The following HIRA variants were observed in gnomAD, a reference collection of about 807,000 sequenced individuals.
HIRA encodes the protein protein HIRA.
A neutral mutation model predicts 126.6 loss-of-function variants in HIRA; 13 were observed. The observed-to-expected ratio is 0.10, with a 90% confidence interval of 0.07 to 0.16. The LOEUF (loss-of-function observed/expected upper bound fraction) is 0.16. Ranked by LOEUF, HIRA falls within the 10% of genes least tolerant of loss-of-function variation. The pLI, the probability that HIRA is intolerant of heterozygous loss-of-function variation, is 1.00. For missense variants in HIRA, 834 were observed against 1,314.4 expected (o/e 0.63, Z 5.65); for synonymous variants, 511 against 520.0 (o/e 0.98, Z 0.24).
At chr22:19,365,025 A>G (rs1201578299) in intron 15 of HIRA, among the ~76,000 whole-genome samples, 3 of 152,240 alleles carry the variant, frequency 2.0e-5, no homozygotes, top group Non-Finnish European at 4.4e-5. Context: ...AGATCAAACC[A>G]GCCACAACAC....
At chr22:19,348,169 G>A (rs1484435606) in intron 24 of HIRA, among the ~76,000 whole-genome samples, 3 of 152,218 alleles carry the variant, frequency 2.0e-5, no homozygotes, top group Non-Finnish European at 4.4e-5. Flanking sequence ...TCCCTACAGT[G>A]CTACTCCCAA....
In HIRA at chr22:19,398,041, T is replaced by G; in HGVS notation, c.444A>C (p.Ser148=). ...AWSPHDAWLA[S]CSVDNTVVIW... ...TGACGACAGTGTTATCCACGCTGCA[T>G]GAGGCTAGCCAGGCATCGTGGGGAG... Residue 148 remains serine (S), a synonymous_variant, in exon 6 of 25, where the codon TCA becomes TCC. Transcript: ENST00000263208. The G allele has an allele frequency of 6.2e-7, 1 of 1,614,074 alleles. No individual in the cohort carries two copies. The highest frequency in any genetic ancestry group is 1.1e-5 in the South Asian group (1 of 91,072).
intron 1 of HIRA, among the ~76,000 whole-genome samples, chr22:19,415,581 G>A (rs1439821109): frequency 1.3e-5 from 2 of 152,172 alleles, no homozygotes; most frequent in Non-Finnish European, 2.9e-5. Context: ...ATGAGGTTGG[G>A]AGTCCAAGAC....
chr22:19,331,350 C>A lies in HIRA; in HGVS notation c.*90G>T. 1 of 1,602,672 alleles carries A rather than the reference C, an allele frequency of 6.2e-7. No homozygotes were observed. Among genetic ancestry groups the A allele is most frequent in the Non-Finnish European group, 8.5e-7 (1 of 1,178,670 alleles). On this transcript the variant is annotated 3_prime_UTR_variant, in exon 25 of 25. Coordinates refer to ENST00000263208, the MANE Select transcript of HIRA (RefSeq NM_003325.4). ...CTCCTGCCAGTGTCTCCTCCCCCTA[C>A]AGCCTGGTCAGGTGAGAGGCGGTCC...
intron 9 of HIRA, 74 bp downstream of exon 9, chr22:19,392,027 C>G: frequency 2.5e-6 from 2 of 810,610 alleles, no homozygotes; most frequent in Non-Finnish European, 4.1e-6. Context: ...CAAAGCAGGT[C>G]TCTTTCCTCC....
intron 13 of HIRA, among the ~76,000 whole-genome samples, chr22:19,379,301 C>T (rs1476362261): frequency 2.0e-5 from 3 of 151,160 alleles, no homozygotes; most frequent in Non-Finnish European, 4.4e-5. Context: ...TGTGAGCCAC[C>T]GTGCCCGGCC....
chr22:19,331,305 G>A lies in HIRA; in HGVS notation c.*135C>T, dbSNP rs782513965. The A allele has an allele frequency of 1.4e-5, 22 of 1,586,164 alleles. No homozygotes were observed. Among genetic ancestry groups the A allele is most frequent in the East Asian group, 4.5e-5 (2 of 44,246 alleles). On this transcript the variant is annotated 3_prime_UTR_variant, in exon 25 of 25. Coordinates refer to ENST00000263208, the MANE Select transcript of HIRA (RefSeq NM_003325.4). ...CATCTGCCCAGGGAGCTGGGCTGGCGCTGGTGCAGGACAGCACATCTCCTG... is the reference window on the plus strand; with the variant it reads ...CATCTGCCCAGGGAGCTGGGCTGGCACTGGTGCAGGACAGCACATCTCCTG...
At chr22:19,414,637 T>G (rs1486857559) in intron 1 of HIRA, among the ~76,000 whole-genome samples, 1 of 152,232 alleles carries the variant, frequency 6.6e-6, no homozygotes, top group African/African-American at 2.4e-5. Context: ...CCAATAGAAC[T>G]TGGTTTTAAC....
intron 24 of HIRA, among the ~76,000 whole-genome samples, chr22:19,345,732 T>A (rs1261194099): frequency 2.0e-5 from 3 of 152,188 alleles, no homozygotes; most frequent in Non-Finnish European, 4.4e-5. Context: ...GGGACCCCTG[T>A]CTTACACTGA....
At chr22:19,396,702 T>C in intron 7 of HIRA, 85 bp downstream of exon 7, 1 of 1,448,998 alleles carries the variant, frequency 6.9e-7, no homozygotes, top group Non-Finnish European at 9.5e-7. Flanking sequence ...GCCTGGCCCA[T>C]GGCCAGCTCC....
chr22:19,397,524 T>A (rs188363516), intron 6 of HIRA, among the ~76,000 whole-genome samples: 1 of 152,186 alleles, frequency 6.6e-6, no homozygotes, highest in South Asian at 2.1e-4. Context: ...ATGAGAAGAA[T>A]TTTACTAGTT....
At chr22:19,366,823 C>CA in intron 15 of HIRA, among the ~76,000 whole-genome samples, 1 of 152,172 alleles carries the variant, frequency 6.6e-6, no homozygotes, top group Non-Finnish European at 1.5e-5. Flanking sequence ...TACAGTGGCA[C>CA]AATCTCAGCT....
At chr22:19,430,811 A>G (rs2089529272) in intron 1 of HIRA, among the ~76,000 whole-genome samples, 1 of 152,200 alleles carries the variant, frequency 6.6e-6, no homozygotes, top group Non-Finnish European at 1.5e-5. Flanking sequence ...CTTTGGAGCC[A>G]CTGCCACAGA....
intron 2 of HIRA, 53 bp downstream of exon 2, chr22:19,410,663 G>C: frequency 1.5e-6 from 2 of 1,334,976 alleles, no homozygotes; most frequent in Non-Finnish European, 2.1e-6. Flanking sequence ...AGCAGGAGAA[G>C]AGCAAGGTGG....
Position 19,331,033 on chromosome 22 carries a change from G to C in HIRA, c.*407C>G. On this transcript the variant is annotated 3_prime_UTR_variant, in exon 25 of 25. Coordinates refer to ENST00000263208, the MANE Select transcript of HIRA (RefSeq NM_003325.4). ...TACATAGGTCTTAGGTCAGTCTGCTGTAATACCTAACGCTTCCGGATTCTC... is the reference window on the plus strand; with the variant it reads ...TACATAGGTCTTAGGTCAGTCTGCTCTAATACCTAACGCTTCCGGATTCTC... 1 of 748,810 alleles carries C rather than the reference G, an allele frequency of 1.3e-6. No individual in the cohort carries two copies. Among genetic ancestry groups the C allele is most frequent in the South Asian group, 1.8e-5 (1 of 55,006 alleles). 46.4% of individuals were successfully genotyped at this position (748,810 alleles called of 1,614,324 possible).
chr22:19,351,178 C>T lies in HIRA; in HGVS notation c.2937+180G>A. The T allele has an allele frequency of 1.0e-6, 1 of 985,386 alleles. No homozygotes were observed. Among genetic ancestry groups the T allele is most frequent in the Non-Finnish European group, 1.2e-6 (1 of 829,926 alleles). The allele number at this position is 985,386 out of a possible 1,614,324, so 61.0% of individuals were successfully genotyped here. ...GTGGCTCCTGATGTCCAGGGCCCAG[C>T]TCCTGCCAGGTTGTGGAGGGCCGTC... is the stretch of plus-strand genomic sequence containing the variant. On this transcript the variant is annotated intron_variant, in intron 24 of 24. Transcript: ENST00000263208. The surrounding 1 kb of genome is among the most constrained non-coding windows in gnomAD (Gnocchi z 4.8).
At chr22:19,430,832 C>A (rs1029212325) in intron 1 of HIRA, among the ~76,000 whole-genome samples, 44 of 152,170 alleles carry the variant, frequency 2.9e-4, no homozygotes, top group African/African-American at 1.0e-3. Context: ...GCTAAGAAGC[C>A]CCTCTGCTAG....
chr22:19,353,868 A>T (rs1556011706), intron 22 of HIRA, 128 bp downstream of exon 22: 12 of 1,195,404 alleles, frequency 1.0e-5, no homozygotes, highest in Non-Finnish European at 1.4e-5. Context: ...GCCTGTGCTG[A>T]CCAGCACCTG....
intron 5 of HIRA, among the ~76,000 whole-genome samples, chr22:19,402,056 C>T (rs1475126582): frequency 6.6e-6 from 1 of 152,190 alleles, no homozygotes; most frequent in African/African-American, 2.4e-5. Context: ...CCCCTCACTG[C>T]CGTCCAGTCT....
Sources: allele counts gnomAD v4.1 joint callset (sites outside exome capture counted in the v4.1 genomes callset), GRCh38; gene constraint gnomAD v4.1.1; non-coding constraint Gnocchi (gnomAD v3.1); transcripts MANE v1.5; gene names NCBI Gene and HGNC (gene_info 2026-07-23, HGNC 2026-07-21).